Variants in ADGRV1 observed in about 807,000 individuals in gnomAD.
ADGRV1 encodes G-protein coupled receptor 98.
In ADGRV1, 359 loss-of-function variants were observed where a neutral mutation model predicts 596.2. That is an observed-to-expected ratio of 0.60 (90% confidence interval 0.55 to 0.66). The LOEUF is 0.66. Ranked by LOEUF, ADGRV1 falls within the 30% of genes least tolerant of loss-of-function variation. The pLI is 0.00. For synonymous variants in ADGRV1, 2,681 were observed against 2,679.2 expected (o/e 1.00, Z -0.02); for missense variants, 7,274 against 7,575.6 (o/e 0.96, Z 1.48).
intron 1 of ADGRV1, among the ~76,000 whole-genome samples, chr5:90,581,755 G>C (rs1452913142): frequency 6.6e-6 from 1 of 152,160 alleles, no homozygotes; most frequent in African/African-American, 2.4e-5. Context: ...ATGCCGTGCT[G>C]GGTGAACCAC....
Position 90,745,813 on chromosome 5 carries a change from C to T in ADGRV1, c.10974+18C>T. On this transcript the variant is annotated intron_variant, in intron 52 of 89. Transcript: ENST00000405460. ...TTGCTCAGGTAATGATACTGAAGAC[C>T]CCACACTTGCAATGCAAAATGTTTT... is the stretch of plus-strand genomic sequence containing the variant. 1 of 1,332,936 alleles carries T rather than the reference C, an allele frequency of 7.5e-7. No homozygotes were observed. Among genetic ancestry groups the T allele is most frequent in the Non-Finnish European group, 1.1e-6 (1 of 930,738 alleles). 82.6% of individuals were successfully genotyped at this position (1,332,936 alleles called of 1,614,324 possible).
intron 87 of ADGRV1, among the ~76,000 whole-genome samples, chr5:91,136,738 T>A (rs1306468582): frequency 6.6e-6 from 1 of 152,212 alleles, no homozygotes; most frequent in Non-Finnish European, 1.5e-5. Context: ...TAAAATGTAG[T>A]TACACATAAT....
chr5:90,596,343 C>T (rs574658836), intron 1 of ADGRV1, among the ~76,000 whole-genome samples: 1,635 of 145,474 alleles, frequency 0.011, 20 homozygotes, highest in Middle Eastern at 0.03. Flanking sequence ...ACATCCCAGA[C>T]GATGGGCGGC....
chr5:90,751,118 G>T (rs992598472), intron 53 of ADGRV1, among the ~76,000 whole-genome samples: 3 of 152,118 alleles, frequency 2.0e-5, no homozygotes, highest in Non-Finnish European at 2.9e-5. Context: ...ATATAGGTTG[G>T]GCTTCCTGTA....
chr5:90,825,378 A>C (rs987260022), intron 76 of ADGRV1, among the ~76,000 whole-genome samples: 1 of 152,214 alleles, frequency 6.6e-6, no homozygotes, highest in African/African-American at 2.4e-5. Context: ...ATTATCAGTT[A>C]TATGCAGTGT....
intron 1 of ADGRV1, among the ~76,000 whole-genome samples, chr5:90,573,162 A>C (rs924775338): frequency 7.2e-5 from 11 of 152,172 alleles, no homozygotes; most frequent in Non-Finnish European, 1.2e-4. Flanking sequence ...TTTCCTAAGA[A>C]AGGAAGTATG....
At chr5:91,018,666 G>A (rs574386816) in intron 85 of ADGRV1, among the ~76,000 whole-genome samples, 1 of 152,072 alleles carries the variant, frequency 6.6e-6, no homozygotes, top group East Asian at 1.9e-4. Flanking sequence ...TTGTTAAATA[G>A]TCACATTTGG....
At chr5:90,818,523 C>T (rs1763146047) in intron 75 of ADGRV1, among the ~76,000 whole-genome samples, 1 of 150,058 alleles carries the variant, frequency 6.7e-6, no homozygotes, top group South Asian at 2.1e-4. Flanking sequence ...CCAGTTTTTG[C>T]CCATTCAGTA....
In ADGRV1 at chr5:91,072,470, C is replaced by T; in HGVS notation, c.18176C>T (p.Ala6059Val). 1 of 1,613,792 alleles carries T rather than the reference C, an allele frequency of 6.2e-7. No individual in the cohort carries two copies. Among genetic ancestry groups the T allele is most frequent in the Non-Finnish European group, 8.5e-7 (1 of 1,179,714 alleles). The change falls in exon 86 of 90, where the codon GCT (alanine) becomes GTT (valine). Residue 6059 changes from alanine to valine, a missense_variant. By Grantham distance (64) the Ala-to-Val change is moderately conservative. Coordinates refer to ENST00000405460, the MANE Select transcript of ADGRV1 (RefSeq NM_032119.4). ...GDLCFIPNVY[A>V]ALFTAALVPL... is the part of the protein sequence containing the mutation. The stretch of plus-strand genomic sequence containing the variant: ...AGGTGTTTTATTCCAAACGTCTATG[C>T]TGCTTTGTTCACTGCAGCTCTTGTT...
chr5:90,643,144 G>T, intron 13 of ADGRV1, 103 bp downstream of exon 13: 1 of 1,065,684 alleles, frequency 9.4e-7, no homozygotes, highest in East Asian at 2.7e-5. Flanking sequence ...ACAGGAAAGA[G>T]GTGGGCAAGA....
intron 3 of ADGRV1, among the ~76,000 whole-genome samples, chr5:90,618,385 C>A (rs1763635638): frequency 6.6e-6 from 1 of 152,118 alleles, no homozygotes; most frequent in South Asian, 2.1e-4. Context: ...CCTGAATAGC[C>A]TTAGGTTTAA....
intron 83 of ADGRV1, among the ~76,000 whole-genome samples, chr5:90,964,583 C>T (rs535575372): frequency 6.6e-6 from 1 of 152,292 alleles, no homozygotes; most frequent in East Asian, 1.9e-4. Flanking sequence ...TCTTTCACTT[C>T]ACTTGCTCAT....
chr5:90,627,407 A>G lies in ADGRV1; in HGVS notation c.869A>G (p.Asn290Ser). ...IIPVVRGKDN[N>S]GNLIGSDEYE... ...CCAGTAGTTCGTGGAAAGGACAACA[A>G]TGGAAATCTGATTGGATCTGATGAA... The change falls in exon 7 of 90, where the codon AAT (asparagine) becomes AGT (serine). Residue 290 changes from asparagine to serine, a missense_variant. Asn to Ser is a conservative substitution (Grantham distance 46). Around this residue, in one of 5 missense-constraint regions of ADGRV1, gnomAD observed 1,715 missense variants for 1,708.8 expected, o/e 1.00. Coordinates refer to ENST00000405460, the MANE Select transcript of ADGRV1 (RefSeq NM_032119.4). The G allele has an allele frequency of 6.2e-7, 1 of 1,613,958 alleles. No individual in the cohort carries two copies. The highest frequency in any genetic ancestry group is 8.5e-7 in the Non-Finnish European group (1 of 1,179,848).
intron 83 of ADGRV1, among the ~76,000 whole-genome samples, chr5:90,878,467 G>T (rs536746495): frequency 6.6e-6 from 1 of 152,302 alleles, no homozygotes; most frequent in African/African-American, 2.4e-5. Context: ...ACGTTAAGTG[G>T]TTTAGAACAC....
chr5:90,664,480 C>T (rs1289414603), intron 21 of ADGRV1, among the ~76,000 whole-genome samples: 1 of 149,800 alleles, frequency 6.7e-6, no homozygotes, highest in Non-Finnish European at 1.5e-5. Context: ...TGAGACTTTG[C>T]TGAAGTTGCT....
At chr5:91,034,306 A>C (rs1209640435) in intron 85 of ADGRV1, among the ~76,000 whole-genome samples, 2 of 152,204 alleles carry the variant, frequency 1.3e-5, no homozygotes, top group Non-Finnish European at 2.9e-5. Context: ...TAAGCAGGTT[A>C]AAGTCTACAT....
At chr5:91,144,291 A>T (rs1410428339) in intron 87 of ADGRV1, among the ~76,000 whole-genome samples, 2 of 152,138 alleles carry the variant, frequency 1.3e-5, no homozygotes, top group East Asian at 3.9e-4. Context: ...GTCAATCCAA[A>T]TATTACTGAG....
At chr5:90,848,473 A>G (rs1307573799) in intron 78 of ADGRV1, among the ~76,000 whole-genome samples, 164 bp from the exon 79 acceptor site, 1 of 152,076 alleles carries the variant, frequency 6.6e-6, no homozygotes. Context: ...AAATATATAT[A>G]TTTGAAATAT....
intron 85 of ADGRV1, among the ~76,000 whole-genome samples, chr5:90,995,357 C>T (rs796952626): frequency 2.2e-4 from 33 of 152,320 alleles, no homozygotes; most frequent in African/African-American, 7.7e-4. Flanking sequence ...GCTCCAGCTT[C>T]ATTTTGCTCC....
Sources: allele counts gnomAD v4.1 joint callset (sites outside exome capture counted in the v4.1 genomes callset), GRCh38; gene constraint gnomAD v4.1.1; regional missense constraint gnomAD v4.1.1; transcripts MANE v1.5; gene names NCBI Gene and HGNC (gene_info 2026-07-23, HGNC 2026-07-21).